The following DHRS7B variants were observed in gnomAD, a reference collection of about 807,000 sequenced individuals.
The protein encoded by DHRS7B is dehydrogenase/reductase 7B, also known as peroxisomal reductase activating PPAR-gamma.
In DHRS7B, 24 loss-of-function variants were observed where a neutral mutation model predicts 26.4. The observed-to-expected ratio is 0.91, with a 90% CI of 0.66 to 1.28. The LOEUF is 1.28. DHRS7B is among the 50% of genes most tolerant of loss of function. The probability of loss-of-function intolerance (pLI) is 0.00; values close to 1 mark genes in which losing one functional copy is unlikely to be tolerated. For missense variants in DHRS7B, 368 were observed against 419.4 expected, an observed-to-expected ratio of 0.88 and a Z score of 1.07; for synonymous variants, 142 against 166.4, an observed-to-expected ratio of 0.85 and a Z score of 1.13.
intron 6 of DHRS7B, among the ~76,000 whole-genome samples, chr17:21,190,361 TC>T (rs1395574060): frequency 6.6e-6 from 1 of 152,170 alleles, no homozygotes; most frequent in Admixed American, 6.5e-5. Context: ...AAGGACTTCT[TC>T]CTGTTTCTCA....
intron 1 of DHRS7B, among the ~76,000 whole-genome samples, chr17:21,155,796 A>G (rs1320480310): frequency 6.6e-6 from 1 of 152,248 alleles, no homozygotes; most frequent in Admixed American, 6.5e-5. Flanking sequence ...TTGAACTAGA[A>G]ATCAGTAACA....
intron 6 of DHRS7B, among the ~76,000 whole-genome samples, chr17:21,190,650 A>C (rs7223418): frequency 0.34 from 51,933 of 152,168 alleles, 8,922 homozygotes; most frequent in Middle Eastern, 0.39. Flanking sequence ...GTGGAGCACC[A>C]GGCAGACAGA....
At chr17:21,138,390 AT>A (rs1330688464) in intron 1 of DHRS7B, among the ~76,000 whole-genome samples, 3 of 149,136 alleles carry the variant, frequency 2.0e-5, no homozygotes, top group African/African-American at 4.9e-5. Context: ...TGCCCCACTA[AT>A]TTTTTCTATT....
chr17:21,176,284 G>A (rs957939536), intron 2 of DHRS7B, among the ~76,000 whole-genome samples: 20 of 152,014 alleles, frequency 1.3e-4, no homozygotes, highest in Non-Finnish European at 2.2e-4. Context: ...CACTATGCCC[G>A]GCCAGAACAT....
chr17:21,129,455 G>A (rs1403917547), intron 1 of DHRS7B, among the ~76,000 whole-genome samples: 2 of 151,942 alleles, frequency 1.3e-5, no homozygotes, highest in South Asian at 2.1e-4. Flanking sequence ...CCTATAATCC[G>A]AGCGCTTTGG....
In DHRS7B at chr17:21,161,785, G is replaced by T. The variant is rs541594041; in HGVS notation, c.21-10233G>T. Among the ~76,000 whole-genome samples, 67 of 152,260 alleles carry T rather than the reference G, an allele frequency of 4.4e-4. 1 individual carries two copies. In the South Asian group the frequency reaches 5.8e-3, roughly 13 times the overall value. On this transcript the variant is annotated intron_variant, in intron 1 of 6. Coordinates refer to ENST00000395511, the MANE Select transcript of DHRS7B (RefSeq NM_015510.5). ...AAAGAAAGTGATAGGGCACCTGCTAGGCTATTTTTAAATGAAATCATAGAT... is the reference window on the plus strand; with the variant it reads ...AAAGAAAGTGATAGGGCACCTGCTATGCTATTTTTAAATGAAATCATAGAT...
chr17:21,142,840 T>C (rs1973554200), intron 1 of DHRS7B, among the ~76,000 whole-genome samples: 1 of 149,342 alleles, frequency 6.7e-6, no homozygotes, highest in South Asian at 2.1e-4. Context: ...ATGAATAGAA[T>C]AGGTAGATTT....
rs761993168 is a variant in DHRS7B at position 21,172,197 on chromosome 17, G to A, written c.199+1G>A. 6.2e-7 allele frequency: 1 copy of A among 1,609,516 alleles called. No individual in the cohort carries two copies. Among genetic ancestry groups the A allele is most frequent in the Non-Finnish European group, 8.5e-7 (1 of 1,178,142 alleles). ...GGCGCCACCTCAGGGCTGGGCAAAG[G>A]TGGGTCCTGGAGGCAGTGCTGCCAG... On this transcript the variant is annotated splice_donor_variant, in intron 2 of 6. Coordinates refer to ENST00000395511, the MANE Select transcript of DHRS7B (RefSeq NM_015510.5). LOFTEE classifies it high-confidence loss of function.
At chr17:21,166,042 C>CA (rs1974105555) in intron 1 of DHRS7B, 1 of 494,400 alleles carries the variant, frequency 2.0e-6, no homozygotes, top group Non-Finnish European at 2.6e-6. Context: ...AGACTTGGCG[C>CA]GGGCTCTGCC....
At chr17:21,171,058 C>T (rs1410003089) in intron 1 of DHRS7B, among the ~76,000 whole-genome samples, 3 of 152,036 alleles carry the variant, frequency 2.0e-5, no homozygotes, top group African/African-American at 7.3e-5. Flanking sequence ...CGGGGGGGGC[C>T]TTTTGTCTCA....
intron 1 of DHRS7B, chr17:21,127,380 C>G: frequency 4.7e-6 from 1 of 213,114 alleles, no homozygotes; most frequent in Non-Finnish European, 9.3e-6. Context: ...CTGCGAGTGG[C>G]AGGACCGAGG....
At chr17:21,172,295 G>A (rs750406436) in intron 2 of DHRS7B, 99 bp downstream of exon 2, 107 of 1,444,418 alleles carry the variant, frequency 7.4e-5, no homozygotes, top group Non-Finnish European at 9.4e-5. Flanking sequence ...AATGCCCGAA[G>A]CGGCAGCAGA....
intron 1 of DHRS7B, among the ~76,000 whole-genome samples, chr17:21,159,535 G>A (rs187838210): frequency 2.0e-5 from 3 of 151,902 alleles, no homozygotes; most frequent in East Asian, 1.9e-4. Flanking sequence ...GATTACAGGC[G>A]TGAGCCACCG....
chr17:21,129,325 AG>A (rs1003694580), intron 1 of DHRS7B, among the ~76,000 whole-genome samples: 13 of 152,018 alleles, frequency 8.6e-5, no homozygotes, highest in Admixed American at 2.0e-4. Context: ...ACTGAGTTGG[AG>A]TTAAATTGGA....
rs548591019 is a variant in DHRS7B at position 21,136,794 on chromosome 17, G to C, written c.20+9803G>C. ...TGGTCTTGAACTCCCTACCTCAGGTGATCTGCCCGTTTCAGCCTCCCAAAG... is the reference window on the plus strand; with the variant it reads ...TGGTCTTGAACTCCCTACCTCAGGTCATCTGCCCGTTTCAGCCTCCCAAAG... On this transcript the variant is annotated intron_variant, in intron 1 of 6. Transcript: ENST00000395511. Among the ~76,000 whole-genome samples the C allele has an allele frequency of 2.6e-4, 39 of 151,970 alleles. No individual in the cohort carries two copies. In the South Asian group the frequency reaches 7.5e-3, roughly 29 times the overall value.
intron 1 of DHRS7B, among the ~76,000 whole-genome samples, chr17:21,163,397 A>G (rs1179294140): frequency 1.3e-5 from 2 of 152,148 alleles, no homozygotes; most frequent in East Asian, 3.8e-4. Context: ...TTTAAAAAGC[A>G]TATCAGAAAG....
chr17:21,177,890 G>A (rs923687269), intron 2 of DHRS7B, among the ~76,000 whole-genome samples: 5 of 152,230 alleles, frequency 3.3e-5, no homozygotes, highest in South Asian at 2.1e-4. Context: ...TTGCCAATCA[G>A]GACAAGACCC....
At chr17:21,177,335 A>G (rs1035957776) in intron 2 of DHRS7B, among the ~76,000 whole-genome samples, 6 of 152,142 alleles carry the variant, frequency 3.9e-5, no homozygotes, top group African/African-American at 7.2e-5. Flanking sequence ...ACTTCCCCAC[A>G]ATCCCTCTGG....
chr17:21,137,049 C>A lies in DHRS7B; in HGVS notation c.20+10058C>A, dbSNP rs568346885. ...GCGGTGGTGTAATCTCAGCTCACTG[C>A]AACCTCTGCCCCCAGGGTTCATGCA... On this transcript the variant is annotated intron_variant, in intron 1 of 6. Transcript: ENST00000395511. Among the ~76,000 whole-genome samples, 14 of 150,390 alleles carry A rather than the reference C, an allele frequency of 9.3e-5. No homozygotes were observed. The East Asian group carries it at 2.7e-3, about 29-fold the overall frequency.
Sources: allele counts gnomAD v4.1 joint callset (sites outside exome capture counted in the v4.1 genomes callset), GRCh38; gene constraint gnomAD v4.1.1; transcripts MANE v1.5; gene names NCBI Gene and HGNC (gene_info 2026-07-23, HGNC 2026-07-21).